Variants in SLAMF6 observed in about 807,000 individuals in gnomAD.
The protein encoded by SLAMF6 is NK-T-B-antigen.
A neutral mutation model predicts 38.3 loss-of-function variants in SLAMF6; 21 were observed. The ratio of observed to expected loss-of-function variants is 0.55; its 90% CI spans 0.39 to 0.79. The LOEUF (loss-of-function observed/expected upper bound fraction) is 0.79, where lower values mean the gene tolerates loss of function less well. Ranked by LOEUF, SLAMF6 falls within the 30% of genes least tolerant of loss-of-function variation. SLAMF6 has a pLI of 0.00. For missense variants in SLAMF6, 341 were observed against 385.3 expected, an observed-to-expected ratio of 0.89 and a Z score of 0.96; for synonymous variants, 152 against 146.3, an observed-to-expected ratio of 1.04 and a Z score of -0.28.
chr1:160,500,077 G>A (rs1653804073), intron 1 of SLAMF6, among the ~76,000 whole-genome samples: 1 of 152,144 alleles, frequency 6.6e-6, no homozygotes. Context: ...AGGGAGAGGT[G>A]GTGAATAGGA....
intron 1 of SLAMF6, among the ~76,000 whole-genome samples, chr1:160,499,236 A>T (rs758567639): frequency 6.6e-6 from 1 of 152,166 alleles, no homozygotes; most frequent in South Asian, 2.1e-4. Flanking sequence ...TAATTTTCGT[A>T]TATGGTTAAA....
At chr1:160,506,067 G>A (rs879421089) in intron 1 of SLAMF6, among the ~76,000 whole-genome samples, 8 of 151,964 alleles carry the variant, frequency 5.3e-5, no homozygotes, top group Non-Finnish European at 1.0e-4. Context: ...GTCCAAGGAG[G>A]AGCAGAGAGA....
At position 160,485,797 on chromosome 1, in the gene SLAMF6, C is replaced by A. The variant is rs1181420359; in HGVS notation, c.*910G>T. 2.0e-5 allele frequency: 3 copies of A among 152,766 alleles called. No individual in the cohort carries two copies. Among genetic ancestry groups the A allele is most frequent in the South Asian group, 2.1e-4 (1 of 4,832 alleles). The allele number at this position is 152,766 out of a possible 1,614,324, so 9.5% of individuals were successfully genotyped here. ...GGTTAGAGGTGGTGATGGTTGGATA[C>A]AGGATGGTGGTCAAGGAGTTGGAGG... On this transcript the variant is annotated 3_prime_UTR_variant, in exon 8 of 8. Transcript: ENST00000368057.
At chr1:160,501,394 G>A (rs1323299258) in intron 1 of SLAMF6, among the ~76,000 whole-genome samples, 2 of 152,154 alleles carry the variant, frequency 1.3e-5, no homozygotes, top group African/African-American at 2.4e-5. Flanking sequence ...GCAATTGCAA[G>A]CAGTTCTTTC....
intron 1 of SLAMF6, among the ~76,000 whole-genome samples, chr1:160,503,564 G>A (rs1438038023): frequency 2.0e-5 from 3 of 152,226 alleles, no homozygotes; most frequent in East Asian, 1.9e-4. Flanking sequence ...TGGCATCAAA[G>A]GGGAGAGGGA....
Position 160,485,689 on chromosome 1 carries a change from C to T in SLAMF6, c.*1018G>A, listed in dbSNP as rs1244318900. 4 of 152,710 alleles carry T rather than the reference C, an allele frequency of 2.6e-5. No homozygotes were observed. In the East Asian group the frequency reaches 7.7e-4, roughly 29 times the overall value. 9.5% of individuals were successfully genotyped at this position (152,710 alleles called of 1,614,324 possible). A position where few individuals can be genotyped will look rare whatever the true frequency, so the allele number is the denominator to read the frequency against. The stretch of plus-strand genomic sequence containing the variant: ...GATCCAATTTATATTAAAAACATTA[C>T]TCTGGCCATCTTGTGGAGAGTGGGT... On this transcript the variant is annotated 3_prime_UTR_variant, in exon 8 of 8. Transcript: ENST00000368057.
chr1:160,496,630 C>T (rs534950942), intron 1 of SLAMF6, among the ~76,000 whole-genome samples: 27 of 152,186 alleles, frequency 1.8e-4, no homozygotes, highest in East Asian at 5.8e-4. Context: ...TAGATGAAAC[C>T]GGCCCAGTCC....
Position 160,505,977 on chromosome 1 carries a change from A to G in SLAMF6, c.50-9584T>C, listed in dbSNP as rs138489599. Reference sequence around the variant, plus strand: ...TTATCCAGTTTGAGGATCAGAAAAGAAAAGAGTGAAGAAAAATGTACAGTG... The same window carrying G: ...TTATCCAGTTTGAGGATCAGAAAAGGAAAGAGTGAAGAAAAATGTACAGTG... On this transcript the variant is annotated intron_variant, in intron 1 of 7. Transcript: ENST00000368057. 2.6e-4 allele frequency among the ~76,000 whole-genome samples: 39 copies of G among 152,270 alleles called. No homozygotes were observed. In the East Asian group the frequency reaches 4.8e-3, roughly 19 times the overall value.
intron 2 of SLAMF6, among the ~76,000 whole-genome samples, chr1:160,494,127 T>A (rs950786974): frequency 2.0e-5 from 3 of 152,188 alleles, no homozygotes; most frequent in African/African-American, 7.2e-5. Context: ...AAGAGATTGA[T>A]CAATGTTAAA....
Position 160,518,018 on chromosome 1 carries a change from T to C in SLAMF6, c.49+5126A>G, listed in dbSNP as rs188864535. ...ATGTACCCAGAACTAAAAATAAAAATTAAAAGAAAGAAATGTATTAATTAG... is the reference window on the plus strand; with the variant it reads ...ATGTACCCAGAACTAAAAATAAAAACTAAAAGAAAGAAATGTATTAATTAG... On this transcript the variant is annotated intron_variant, in intron 1 of 7. Transcript: ENST00000368057. Among the ~76,000 whole-genome samples the C allele has an allele frequency of 2.5e-3, 376 of 151,976 alleles. 1 individual carries two copies. The highest frequency in any genetic ancestry group is 3.7e-3 in the Non-Finnish European group (253 of 67,948).
intron 1 of SLAMF6, among the ~76,000 whole-genome samples, chr1:160,516,842 C>A (rs1654768457): frequency 6.6e-6 from 1 of 152,152 alleles, no homozygotes; most frequent in South Asian, 2.1e-4. Flanking sequence ...TCCCTCACAC[C>A]TTATACAAAA....
At chr1:160,502,509 T>A (rs1032891772) in intron 1 of SLAMF6, among the ~76,000 whole-genome samples, 1 of 152,210 alleles carries the variant, frequency 6.6e-6, no homozygotes, top group African/African-American at 2.4e-5. Flanking sequence ...TATTTCCCCA[T>A]AACCTGGTCC....
chr1:160,519,975 A>C lies in SLAMF6; in HGVS notation c.49+3169T>G, dbSNP rs1654913202. 2.6e-5 allele frequency among the ~76,000 whole-genome samples: 4 copies of C among 152,188 alleles called. No homozygotes were observed. In the South Asian group the frequency reaches 8.3e-4, roughly 31 times the overall value. On this transcript the variant is annotated intron_variant, in intron 1 of 7. Transcript: ENST00000368057. ...AATGTCTGAGTGTGAACAGAGAAAC[A>C]ATCAAAGCTGAATCTGGGTTAAGGG...
At chr1:160,505,976 GAA>G (rs1359626996) in intron 1 of SLAMF6, among the ~76,000 whole-genome samples, 1 of 152,042 alleles carries the variant, frequency 6.6e-6, no homozygotes, top group Non-Finnish European at 1.5e-5. Context: ...GATCAGAAAA[GAA>G]AAGAGTGAAG....
intron 4 of SLAMF6, 24 bp from the exon 5 acceptor site, chr1:160,490,260 G>C: frequency 6.2e-7 from 1 of 1,613,090 alleles, no homozygotes; most frequent in South Asian, 1.1e-5. Flanking sequence ...CCAGAAAATT[G>C]AAATGTGTGA....
intron 1 of SLAMF6, among the ~76,000 whole-genome samples, chr1:160,507,760 T>C (rs992892130): frequency 3.3e-5 from 5 of 152,150 alleles, no homozygotes; most frequent in Non-Finnish European, 7.4e-5. Flanking sequence ...CACAAATATG[T>C]CATAATTAAC....
chr1:160,492,007 A>T (rs1653330106), intron 2 of SLAMF6, among the ~76,000 whole-genome samples: 4 of 152,178 alleles, frequency 2.6e-5, no homozygotes, highest in Admixed American at 2.6e-4. Context: ...AGAAGTGGGG[A>T]AGGAAGAAGT....
At chr1:160,501,594 TG>T (rs1280191055) in intron 1 of SLAMF6, among the ~76,000 whole-genome samples, 2 of 152,052 alleles carry the variant, frequency 1.3e-5, no homozygotes, top group Non-Finnish European at 2.9e-5. Context: ...AGTTGGGAGT[TG>T]TCAGGGAACA....
chr1:160,515,285 C>A (rs1038352377), intron 1 of SLAMF6, among the ~76,000 whole-genome samples: 1 of 152,190 alleles, frequency 6.6e-6, no homozygotes, highest in South Asian at 2.1e-4. Context: ...TTCCTGGACA[C>A]ATACACCCTC....
Sources: gnomAD v4.1 joint callset for allele counts (sites outside exome capture counted in the v4.1 genomes callset) on GRCh38, gnomAD v4.1.1 for gene constraint, MANE v1.5 for transcripts, NCBI Gene and HGNC (gene_info 2026-07-23, HGNC 2026-07-21) for gene names.